Variants in RAB12 observed in about 807,000 individuals in gnomAD.
RAB12 encodes ras-related protein Rab-12.
A neutral mutation model predicts 28.4 loss-of-function variants in RAB12; 11 were observed. The observed-to-expected ratio is 0.39, with a 90% CI of 0.24 to 0.64. RAB12 has a LOEUF of 0.64. RAB12 is among the 30% of genes least tolerant of loss of function. The pLI is 0.50. For synonymous variants in RAB12, 138 were observed against 145.3 expected, an observed-to-expected ratio of 0.95 and a Z score of 0.36; for missense variants, 276 against 351.1, an observed-to-expected ratio of 0.79 and a Z score of 1.71.
At chr18:8,611,502 T>C (rs544906248) in intron 1 of RAB12, among the ~76,000 whole-genome samples, 112 of 151,918 alleles carry the variant, frequency 7.4e-4, no homozygotes, top group Non-Finnish European at 1.4e-3. Context: ...GGAAGAAGGA[T>C]TTTCTAAGCC....
intron 4 of RAB12, 78 bp downstream of exon 4, chr18:8,635,700 A>ATT: frequency 1.2e-6 from 1 of 859,416 alleles, no homozygotes; most frequent in Non-Finnish European, 1.7e-6. Flanking sequence ...TAAATTACTT[A>ATT]TTTTAAAAAT....
At chr18:8,617,641 C>T (rs1013290844) in intron 1 of RAB12, among the ~76,000 whole-genome samples, 1 of 152,134 alleles carries the variant, frequency 6.6e-6, no homozygotes, top group Non-Finnish European at 1.5e-5. Flanking sequence ...ATTTTATATA[C>T]TTGCCTAGCA....
chr18:8,618,909 CTT>C (rs1283415071), intron 1 of RAB12, among the ~76,000 whole-genome samples: 1 of 152,212 alleles, frequency 6.6e-6, no homozygotes, highest in Non-Finnish European at 1.5e-5. Flanking sequence ...GCCCACATGA[CTT>C]GATTTTAATG....
chr18:8,625,117 A>G, intron 2 of RAB12, 119 bp downstream of exon 2: 2 of 634,784 alleles, frequency 3.2e-6, no homozygotes, highest in East Asian at 2.8e-5. Flanking sequence ...TCTTTTGCTC[A>G]TTTTAAAATT....
chr18:8,616,941 A>G (rs901556547), intron 1 of RAB12, among the ~76,000 whole-genome samples: 19 of 151,924 alleles, frequency 1.3e-4, no homozygotes, highest in African/African-American at 4.6e-4. Context: ...AAAAGAAAAA[A>G]CACTCCACCT....
chr18:8,614,434 G>A (rs1160590815), intron 1 of RAB12, among the ~76,000 whole-genome samples: 1 of 149,484 alleles, frequency 6.7e-6, no homozygotes, highest in Non-Finnish European at 1.5e-5. Context: ...TTTCTGGGTA[G>A]TAAAGTTTCC....
At chr18:8,619,584 CTT>C (rs1252173553) in intron 1 of RAB12, among the ~76,000 whole-genome samples, 2 of 152,184 alleles carry the variant, frequency 1.3e-5, no homozygotes, top group Admixed American at 6.5e-5. Flanking sequence ...GCTTTTCTCT[CTT>C]TTCACCCATC....
At chr18:8,634,283 C>CTCT (rs1292551313) in intron 3 of RAB12, among the ~76,000 whole-genome samples, 2 of 92,584 alleles carry the variant, frequency 2.2e-5, no homozygotes, top group Non-Finnish European at 4.5e-5. Flanking sequence ...CTCTCTCTCT[C>CTCT]TTTTTTTTTT....
chr18:8,610,112 A>T, intron 1 of RAB12, 159 bp downstream of exon 1: 1 of 567,056 alleles, frequency 1.8e-6, no homozygotes, highest in Middle Eastern at 2.7e-4. Flanking sequence ...CCTGCATCCC[A>T]ATCCCAAAGC....
At chr18:8,611,075 AACTT>A (rs1277560813) in intron 1 of RAB12, among the ~76,000 whole-genome samples, 1 of 152,202 alleles carries the variant, frequency 6.6e-6, no homozygotes, top group Admixed American at 6.5e-5. Flanking sequence ...TGTTTTCAAG[AACTT>A]ACTTCCCTTA....
chr18:8,626,956 G>A (rs1386692331), intron 2 of RAB12, among the ~76,000 whole-genome samples: 1 of 152,180 alleles, frequency 6.6e-6, no homozygotes, highest in African/African-American at 2.4e-5. Flanking sequence ...TTTGAACAGT[G>A]ACTCATATAT....
chr18:8,625,598 C>T (rs2096012227), intron 2 of RAB12, among the ~76,000 whole-genome samples: 2 of 152,218 alleles, frequency 1.3e-5, no homozygotes, highest in African/African-American at 2.4e-5. Context: ...TATAACTGCA[C>T]TCAGCACTAA....
In RAB12 at chr18:8,636,319, G is replaced by C; in HGVS notation, c.871G>C (p.Glu291Gln). The change falls in exon 5 of 6, where the codon GAG (glutamate) becomes CAG (glutamine). Residue 291 changes from glutamate (E) to glutamine (Q), a missense_variant. Glu to Gln is a conservative substitution (Grantham distance 29). Around this residue, in one of 4 missense-constraint regions of RAB12, gnomAD observed 127 missense variants for 161.4 expected, o/e 0.79. Transcript: ENST00000649141. ...ASAKDNFNVD[E>Q]IFLKLVDDIL... ...TGCCAAGGATAACTTCAATGTGGAC[G>C]AGATATTTTTGAAACTTGTCGATGA... 1 of 1,611,048 alleles carries C rather than the reference G, an allele frequency of 6.2e-7. No individual in the cohort carries two copies.
intron 2 of RAB12, among the ~76,000 whole-genome samples, chr18:8,631,533 C>G (rs893770105): frequency 6.6e-6 from 1 of 152,146 alleles, no homozygotes; most frequent in Non-Finnish European, 1.5e-5. Flanking sequence ...AGCCAGGGAG[C>G]CTTTGAGCCA....
chr18:8,609,836 A>C lies in RAB12; in HGVS notation c.397A>C (p.Arg133=). The C allele has an allele frequency of 6.4e-7, 1 of 1,567,716 alleles. No individual in the cohort carries two copies. ...GQGRRRKQPP[R]PADFKLQVII... is the part of the protein sequence containing the mutation. Reference sequence around the variant, plus strand: ...GGGCCGCCGGAGGAAGCAGCCCCCCAGGCCGGCCGACTTCAAGTTGCAGGT... The same window carrying C: ...GGGCCGCCGGAGGAAGCAGCCCCCCCGGCCGGCCGACTTCAAGTTGCAGGT... The change falls in exon 1 of 6, where the codon AGG becomes CGG. Residue 133 remains arginine (R), a synonymous_variant. Coordinates refer to ENST00000649141, the MANE Select transcript of RAB12 (RefSeq NM_001025300.3).
In RAB12 at chr18:8,622,897, G is replaced by C. The variant is rs190997401; in HGVS notation, c.515-2041G>C. ...TCCTTGCTGAGAAAAAGAATTCAGC[G>C]ATATTTCTCCCATTTGCTTTTGAAA... On this transcript the variant is annotated intron_variant, in intron 1 of 5. Transcript: ENST00000649141. Among the ~76,000 whole-genome samples the C allele has an allele frequency of 2.0e-3, 307 of 152,264 alleles. 4 individuals carry two copies. The highest frequency in any genetic ancestry group is 6.8e-3 in the Middle Eastern group (2 of 294).
intron 2 of RAB12, 121 bp from the exon 3 acceptor site, chr18:8,633,068 G>A (rs2096016922): frequency 1.7e-6 from 2 of 1,210,156 alleles, no homozygotes; most frequent in African/African-American, 1.5e-5. Flanking sequence ...AAGGGAAATA[G>A]GGGTTACTCT....
intron 1 of RAB12, among the ~76,000 whole-genome samples, chr18:8,618,419 C>G (rs2096007866): frequency 6.6e-6 from 1 of 151,918 alleles, no homozygotes; most frequent in Non-Finnish European, 1.5e-5. Flanking sequence ...AAATCCTTAC[C>G]ACACAGGTTA....
intron 1 of RAB12, among the ~76,000 whole-genome samples, chr18:8,617,985 T>C (rs2148707047): frequency 6.6e-6 from 1 of 152,388 alleles, no homozygotes; most frequent in South Asian, 2.1e-4. Flanking sequence ...TCTTAATCTT[T>C]TCATTTGTGA....
Sources: gnomAD v4.1 joint callset for allele counts (sites outside exome capture counted in the v4.1 genomes callset) on GRCh38, gnomAD v4.1.1 for gene constraint, gnomAD v4.1.1 regional missense constraint, MANE v1.5 for transcripts, NCBI Gene and HGNC (gene_info 2026-07-23, HGNC 2026-07-21) for gene names.